The following SVOP variants were observed in gnomAD, a reference collection of about 807,000 sequenced individuals.
SVOP encodes synaptic vesicle 2-related protein.
In SVOP, 17 loss-of-function variants were observed where a neutral mutation model predicts 69.1. That is an observed-to-expected ratio of 0.25 (90% confidence interval 0.17 to 0.37). SVOP has a LOEUF of 0.37. SVOP is among the 10% of genes least tolerant of loss of function. The pLI, the probability that SVOP is intolerant of heterozygous loss-of-function variation, is 1.00. For synonymous variants in SVOP, 238 were observed against 238.6 expected (o/e 1.00, Z 0.02); for missense variants, 435 against 597.5 (o/e 0.73, Z 2.84).
At chr12:108,940,406 A>G (rs975245573) in intron 8 of SVOP, among the ~76,000 whole-genome samples, 2 of 152,186 alleles carry the variant, frequency 1.3e-5, no homozygotes, top group Admixed American at 1.3e-4. Flanking sequence ...CTGAAGTCTG[A>G]CTTAATCCTC....
At chr12:108,980,699 G>A (rs988690080) in intron 2 of SVOP, among the ~76,000 whole-genome samples, 3 of 120,400 alleles carry the variant, frequency 2.5e-5, no homozygotes, top group South Asian at 5.1e-4. Flanking sequence ...GCAGTGAGCC[G>A]AGATTGCGCC....
At chr12:108,955,656 C>T (rs2039981341) in intron 6 of SVOP, among the ~76,000 whole-genome samples, 1 of 152,202 alleles carries the variant, frequency 6.6e-6, no homozygotes, top group Non-Finnish European at 1.5e-5. Context: ...TCATATCTCC[C>T]CTGTCCCTGT....
chr12:108,972,486 G>A lies in SVOP; in HGVS notation c.382-10C>T. Reference sequence around the variant, plus strand: ...TGCCTACAAAGACCACCTGTGGGGGGAAAGACAGTTGTCATTAGACAGAGG... The same window carrying A: ...TGCCTACAAAGACCACCTGTGGGGGAAAAGACAGTTGTCATTAGACAGAGG... On this transcript the variant is annotated splice_polypyrimidine_tract_variant and intron_variant, in intron 4 of 15. Transcript: ENST00000610966. 2.0e-6 allele frequency: 3 copies of A among 1,537,166 alleles called. No homozygotes were observed. Among genetic ancestry groups the A allele is most frequent in the Non-Finnish European group, 8.7e-7 (1 of 1,146,838 alleles).
chr12:108,945,779 G>T (rs2039918943), intron 6 of SVOP, among the ~76,000 whole-genome samples: 1 of 152,146 alleles, frequency 6.6e-6, no homozygotes, highest in African/African-American at 2.4e-5. Flanking sequence ...AGGGAAAAAT[G>T]TTTTCTTGGC....
chr12:109,003,074 C>A (rs2135623354), intron 1 of SVOP, among the ~76,000 whole-genome samples: 1 of 152,110 alleles, frequency 6.6e-6, no homozygotes, highest in Middle Eastern at 3.4e-3. Flanking sequence ...TCAGCATCTG[C>A]ATTTTAACCA....
At chr12:108,945,625 G>A (rs191600245) in intron 6 of SVOP, among the ~76,000 whole-genome samples, 4 of 151,930 alleles carry the variant, frequency 2.6e-5, no homozygotes, top group South Asian at 2.1e-4. Flanking sequence ...GGCCTCAAGC[G>A]ATCCTCCCAC....
chr12:108,966,991 A>G (rs948416929), intron 5 of SVOP, among the ~76,000 whole-genome samples: 2 of 152,158 alleles, frequency 1.3e-5, no homozygotes, highest in Non-Finnish European at 2.9e-5. Flanking sequence ...AGTTTTATGT[A>G]CAAGGGCCAT....
intron 1 of SVOP, among the ~76,000 whole-genome samples, chr12:109,011,983 T>TA (rs55722025): frequency 3.3e-5 from 5 of 151,978 alleles, no homozygotes; most frequent in Admixed American, 6.6e-5. Flanking sequence ...TTGCTGCAGG[T>TA]AAAAAAAATT....
intron 4 of SVOP, among the ~76,000 whole-genome samples, chr12:108,975,811 C>T (rs868161296): frequency 2.0e-5 from 3 of 152,232 alleles, no homozygotes; most frequent in Middle Eastern, 6.8e-3. Context: ...AAGTGATTCT[C>T]CTGCCTCAGC....
At chr12:108,981,827 A>G (rs2040136664) in intron 2 of SVOP, among the ~76,000 whole-genome samples, 1 of 152,124 alleles carries the variant, frequency 6.6e-6, no homozygotes, top group Non-Finnish European at 1.5e-5. Context: ...TTACTATCAC[A>G]CTATCATCAT....
At chr12:108,985,484 T>C (rs2040161641) in intron 1 of SVOP, among the ~76,000 whole-genome samples, 1 of 151,968 alleles carries the variant, frequency 6.6e-6, no homozygotes, top group Non-Finnish European at 1.5e-5. Context: ...CAAGCCTGGT[T>C]GACATGGCAA....
At chr12:109,002,865 A>G (rs377633421) in intron 1 of SVOP, among the ~76,000 whole-genome samples, 1 of 150,680 alleles carries the variant, frequency 6.6e-6, no homozygotes, top group Admixed American at 6.6e-5. Flanking sequence ...GCTAGATGAC[A>G]AGTTAGTGGG....
At chr12:109,000,399 C>G (rs2135620385) in intron 1 of SVOP, among the ~76,000 whole-genome samples, 1 of 123,060 alleles carries the variant, frequency 8.1e-6, no homozygotes, top group African/African-American at 3.1e-5. Flanking sequence ...GGAACTGGTA[C>G]CATTCCTTCT....
chr12:108,975,164 C>A (rs954743838), intron 4 of SVOP, among the ~76,000 whole-genome samples: 1 of 152,122 alleles, frequency 6.6e-6, no homozygotes, highest in Non-Finnish European at 1.5e-5. Flanking sequence ...AGTTAAATAT[C>A]CCTCAAAACA....
chr12:108,948,233 C>T (rs931146965), intron 6 of SVOP, among the ~76,000 whole-genome samples: 3 of 152,196 alleles, frequency 2.0e-5, no homozygotes, highest in Non-Finnish European at 4.4e-5. Flanking sequence ...GTATCTTTCT[C>T]TTAGCATCTT....
intron 12 of SVOP, among the ~76,000 whole-genome samples, chr12:108,920,158 A>T (rs2039739657): frequency 1.3e-5 from 2 of 152,308 alleles, no homozygotes; most frequent in Non-Finnish European, 2.9e-5. Context: ...ATGGGAGTGG[A>T]TCCTGCCCCA....
chr12:108,946,904 G>C (rs574552700), intron 6 of SVOP, among the ~76,000 whole-genome samples: 92 of 151,890 alleles, frequency 6.1e-4, no homozygotes, highest in South Asian at 1.3e-3. Context: ...TTTTTTGGTA[G>C]AGACGGGGTT....
At position 108,915,804 on chromosome 12, in the gene SVOP, G is replaced by A. The variant is rs2039709981; in HGVS notation, c.1419C>T (p.Leu473=). The A allele has an allele frequency of 1.2e-6, 2 of 1,607,562 alleles. No individual in the cohort carries two copies. Among genetic ancestry groups the A allele is most frequent in the Admixed American group, 1.7e-5 (1 of 59,364 alleles). ...TCSGMARVGA[L]ITPFIAQVML... is the part of the protein sequence containing the mutation. ...CTACCTGGGCGATGAACGGAGTGAT[G>A]AGAGCACCCACTCTTGCCATGCCGC... is the stretch of plus-strand genomic sequence containing the variant. The change falls in exon 15 of 16, where the codon CTC becomes CTT. Residue 473 remains leucine, a synonymous_variant. Coordinates refer to ENST00000610966, the MANE Select transcript of SVOP (RefSeq NM_018711.5).
intron 14 of SVOP, among the ~76,000 whole-genome samples, chr12:108,916,316 G>A (rs1449646504): frequency 1.3e-5 from 2 of 152,234 alleles, no homozygotes; most frequent in Non-Finnish European, 2.9e-5. Context: ...GTGGCAAAGT[G>A]AGAAGGGATT....
Sources: gnomAD v4.1 joint callset for allele counts (sites outside exome capture counted in the v4.1 genomes callset) on GRCh38, gnomAD v4.1.1 for gene constraint, MANE v1.5 for transcripts, NCBI Gene and HGNC (gene_info 2026-07-23, HGNC 2026-07-21) for gene names.